The following ANO6 variants were observed in gnomAD, a reference collection of about 807,000 sequenced individuals.
ANO6 encodes the protein anoctamin 6.
In ANO6, 106 loss-of-function variants were observed where a neutral mutation model predicts 117.5. That is an observed-to-expected ratio of 0.90 (90% CI 0.77 to 1.06). The LOEUF (loss-of-function observed/expected upper bound fraction) is 1.06, where lower values mean the gene tolerates loss of function less well. Ranked by LOEUF, ANO6 falls within the 50% of genes least tolerant of loss-of-function variation. The pLI is 0.00. For synonymous variants in ANO6, 367 were observed against 385.1 expected (o/e 0.95, Z 0.55); for missense variants, 955 against 1,121.1 (o/e 0.85, Z 2.12).
intron 11 of ANO6, among the ~76,000 whole-genome samples, chr12:45,389,995 A>C (rs1216315893): frequency 6.6e-6 from 1 of 152,224 alleles, no homozygotes; most frequent in East Asian, 1.9e-4. Context: ...ATTCAAAGTT[A>C]ATATATAAAG....
At chr12:45,387,549 C>T (rs1408013214) in intron 10 of ANO6, among the ~76,000 whole-genome samples, 2 of 152,200 alleles carry the variant, frequency 1.3e-5, no homozygotes, top group Non-Finnish European at 2.9e-5. Context: ...CAGACATACT[C>T]ACATGTCTTC....
At chr12:45,296,779 A>G (rs1939308707) in intron 1 of ANO6, among the ~76,000 whole-genome samples, 1 of 152,180 alleles carries the variant, frequency 6.6e-6, no homozygotes, top group Non-Finnish European at 1.5e-5. Context: ...CATGCAGCCA[A>G]TAACCTTAAT....
chr12:45,262,310 TA>T (rs1938065563), intron 1 of ANO6, among the ~76,000 whole-genome samples: 1 of 152,232 alleles, frequency 6.6e-6, no homozygotes. Flanking sequence ...TTTATTGGGT[TA>T]AAGTATACAT....
chr12:45,301,568 G>T (rs903002413), intron 1 of ANO6, among the ~76,000 whole-genome samples: 1 of 150,640 alleles, frequency 6.6e-6, no homozygotes, highest in African/African-American at 2.4e-5. Context: ...AGTGAGCTGT[G>T]ATCGTGCCAC....
chr12:45,374,185 A>G (rs1396886521), intron 9 of ANO6, among the ~76,000 whole-genome samples: 2 of 134,414 alleles, frequency 1.5e-5, no homozygotes, highest in Non-Finnish European at 3.2e-5. Context: ...GACCAATAAC[A>G]GGATCTGAAA....
chr12:45,373,569 G>A lies in ANO6; in HGVS notation c.1105-4484G>A, dbSNP rs201976562. Among the ~76,000 whole-genome samples the A allele has an allele frequency of 1.2e-4, 18 of 152,034 alleles. No homozygotes were observed. The East Asian group carries it at 1.9e-3, about 16-fold the overall frequency. ...AGGATTAAGAAACTCACTCAAAACC[G>A]CTCAACTACATGGAAACTGAACAAC... On this transcript the variant is annotated intron_variant, in intron 9 of 19. Coordinates refer to ENST00000320560, the MANE Select transcript of ANO6 (RefSeq NM_001025356.3).
chr12:45,416,611 C>T (rs1057119111), intron 16 of ANO6, 88 bp from the exon 17 acceptor site: 13 of 1,217,820 alleles, frequency 1.1e-5, no homozygotes, highest in South Asian at 2.5e-5. Flanking sequence ...GGATTTAGTT[C>T]GTTTGCCTTT....
intron 3 of ANO6, among the ~76,000 whole-genome samples, chr12:45,340,259 A>G (rs1308208842): frequency 6.6e-6 from 1 of 152,118 alleles, no homozygotes. Flanking sequence ...TATGAATAAG[A>G]TACTGGTTTC....
rs766237430 is a variant in ANO6, at chr12:45,401,799, T to A, written c.1391T>A (p.Leu464Gln). 5 of 1,613,480 alleles carry A rather than the reference T, an allele frequency of 3.1e-6. No individual in the cohort carries two copies. In the South Asian group the frequency reaches 3.3e-5, roughly 11 times the overall value. The change falls in exon 13 of 20, where the codon CTA becomes CAA. Residue 464 changes from leucine to glutamine, a missense_variant. By Grantham distance (113) the Leu-to-Gln change is moderately radical (BLOSUM62 -2). Transcript: ENST00000320560. ...CTGTGTTTGTTGTGCTTTCAGATCC[T>A]ATTGATCATCGCTTCAGTTATTGGG... is the stretch of plus-strand genomic sequence containing the variant. ...LCASAVFFWILLIIASVIGII... is the reference protein window; with the variant it reads ...LCASAVFFWIQLIIASVIGII...
At chr12:45,400,833 T>A (rs539101949) in intron 12 of ANO6, among the ~76,000 whole-genome samples, 65 of 152,318 alleles carry the variant, frequency 4.3e-4, no homozygotes, top group African/African-American at 1.3e-3. Flanking sequence ...TCTCTGAAAC[T>A]TTTCTGTCAT....
At chr12:45,394,181 GC>G (rs1381621103) in intron 12 of ANO6, among the ~76,000 whole-genome samples, 2 of 152,098 alleles carry the variant, frequency 1.3e-5, no homozygotes, top group African/African-American at 4.8e-5. Context: ...GCAAAAAAAA[GC>G]AGGGGTTGCA....
At chr12:45,260,962 GTT>G (rs1037901722) in intron 1 of ANO6, among the ~76,000 whole-genome samples, 15 of 137,390 alleles carry the variant, frequency 1.1e-4, no homozygotes, top group Admixed American at 1.1e-3. Flanking sequence ...TGTTTTTTTT[GTT>G]TGTTTGTTTG....
chr12:45,285,914 C>A (rs945847321), intron 1 of ANO6, among the ~76,000 whole-genome samples: 1 of 152,020 alleles, frequency 6.6e-6, no homozygotes, highest in African/African-American at 2.4e-5. Flanking sequence ...TCTGAGTTTC[C>A]CTCAGATAGC....
At chr12:45,422,871 G>A in intron 18 of ANO6, 86 bp from the exon 19 acceptor site, 2 of 1,051,722 alleles carry the variant, frequency 1.9e-6, no homozygotes, top group South Asian at 1.3e-5. Flanking sequence ...ACTGCACCCG[G>A]CATGACCTCT....
intron 16 of ANO6, among the ~76,000 whole-genome samples, chr12:45,409,820 A>G (rs1031135448): frequency 6.6e-6 from 1 of 152,160 alleles, no homozygotes; most frequent in Non-Finnish European, 1.5e-5. Flanking sequence ...TGGTGGTACA[A>G]TCGTGGCTCA....
intron 1 of ANO6, among the ~76,000 whole-genome samples, chr12:45,282,213 T>C (rs1455136900): frequency 6.6e-6 from 1 of 152,252 alleles, no homozygotes; most frequent in Non-Finnish European, 1.5e-5. Context: ...GAGTCTGAGA[T>C]GCCTGGGACA....
intron 12 of ANO6, among the ~76,000 whole-genome samples, chr12:45,400,591 G>A (rs1484439027): frequency 1.3e-5 from 2 of 152,318 alleles, no homozygotes; most frequent in Admixed American, 1.3e-4. Context: ...TTAATATTCT[G>A]TTTTTACCTG....
At position 45,341,072 on chromosome 12, in the gene ANO6, C is replaced by T. The variant is rs187539197; in HGVS notation, c.280-5950C>T. 3.4e-4 allele frequency among the ~76,000 whole-genome samples: 52 copies of T among 152,256 alleles called. No homozygotes were observed. The East Asian group carries it at 7.7e-3, about 23-fold the overall frequency. ...ATGTGTTTAAGCAAATAAAAATGTC[C>T]TATCCTTGATACAACTGTTTTAAGT... On this transcript the variant is annotated intron_variant, in intron 3 of 19. Coordinates refer to ENST00000320560, the MANE Select transcript of ANO6 (RefSeq NM_001025356.3).
intron 1 of ANO6, among the ~76,000 whole-genome samples, chr12:45,298,145 A>G (rs190109365): frequency 6.6e-6 from 1 of 152,326 alleles, no homozygotes; most frequent in East Asian, 1.9e-4. Flanking sequence ...TTTGTTTTCT[A>G]GTCAGCCGTT....
Sources: gnomAD v4.1 joint callset for allele counts (sites outside exome capture counted in the v4.1 genomes callset) on GRCh38, gnomAD v4.1.1 for gene constraint, MANE v1.5 for transcripts, NCBI Gene and HGNC (gene_info 2026-07-23, HGNC 2026-07-21) for gene names.